The following FAM227B variants were observed in gnomAD, a reference collection of about 807,000 sequenced individuals.
The protein encoded by FAM227B is protein FAM227B.
FAM227B carries 88 observed loss-of-function variants against 73.8 expected under a neutral mutation model. That is an observed-to-expected ratio of 1.19 (90% CI 1.00 to 1.42). The LOEUF is 1.42. FAM227B is among the 40% of genes most tolerant of loss of function. FAM227B has a pLI of 0.00. For synonymous variants in FAM227B, 210 were observed against 190.5 expected (o/e 1.10, Z -0.84); for missense variants, 632 against 590.9 (o/e 1.07, Z -0.72).
intron 11 of FAM227B, among the ~76,000 whole-genome samples, chr15:49,391,773 C>T (rs533062948): frequency 6.6e-6 from 1 of 152,108 alleles, no homozygotes. Flanking sequence ...AATATAACCT[C>T]CAAGTATTGA....
intron 2 of FAM227B, among the ~76,000 whole-genome samples, chr15:49,613,432 C>T (rs539972630): frequency 1.3e-5 from 2 of 152,114 alleles, no homozygotes; most frequent in African/African-American, 2.4e-5. Context: ...ACCCCAGAGG[C>T]GGAGGTTGCG....
chr15:49,458,704 T>C (rs1240775616), intron 11 of FAM227B, among the ~76,000 whole-genome samples: 2 of 152,134 alleles, frequency 1.3e-5, no homozygotes, highest in Admixed American at 6.6e-5. Flanking sequence ...TTCATAATAA[T>C]GTTTCCTAAA....
At chr15:49,585,864 AAAG>A (rs1158037950) in intron 5 of FAM227B, among the ~76,000 whole-genome samples, 5 of 152,136 alleles carry the variant, frequency 3.3e-5, no homozygotes, top group Admixed American at 2.0e-4. Context: ...ATTAAATTGA[AAAG>A]AAATCAGAGA....
intron 11 of FAM227B, among the ~76,000 whole-genome samples, chr15:49,426,868 A>G (rs2050175808): frequency 6.6e-6 from 1 of 151,950 alleles, no homozygotes; most frequent in Non-Finnish European, 1.5e-5. Context: ...CTTTCTTGAT[A>G]TCGTTAATTA....
intron 3 of FAM227B, among the ~76,000 whole-genome samples, chr15:49,604,154 A>ACTTT (rs1198931342): frequency 6.6e-6 from 1 of 152,212 alleles, no homozygotes; most frequent in African/African-American, 2.4e-5. Flanking sequence ...GATTTTGACT[A>ACTTT]TATTCTTACG....
intron 11 of FAM227B, among the ~76,000 whole-genome samples, chr15:49,498,297 C>T (rs763449685): frequency 1.3e-5 from 2 of 152,120 alleles, no homozygotes; most frequent in Admixed American, 6.5e-5. Context: ...ACTTAATCAA[C>T]TTATATTGTG....
At chr15:49,545,700 TGTTCA>T (rs2071740834) in intron 9 of FAM227B, among the ~76,000 whole-genome samples, 1 of 152,138 alleles carries the variant, frequency 6.6e-6, no homozygotes, top group Admixed American at 6.5e-5. Context: ...TCAGTATTAC[TGTTCA>T]GTTCAAAGAA....
chr15:49,440,265 C>G (rs551518523), intron 11 of FAM227B, among the ~76,000 whole-genome samples: 58 of 151,816 alleles, frequency 3.8e-4, no homozygotes, highest in African/African-American at 1.3e-3. Flanking sequence ...TGTTTATACA[C>G]TCTTACAATT....
chr15:49,370,457 A>C (rs992162345), intron 12 of FAM227B, among the ~76,000 whole-genome samples: 2 of 152,218 alleles, frequency 1.3e-5, no homozygotes, highest in African/African-American at 4.8e-5. Context: ...TTGATTCAAA[A>C]TTGACTTCTA....
At chr15:49,451,589 AC>A (rs1232804011) in intron 11 of FAM227B, among the ~76,000 whole-genome samples, 1 of 152,030 alleles carries the variant, frequency 6.6e-6, no homozygotes, top group East Asian at 1.9e-4. Context: ...TCTTCAATTC[AC>A]CTTTAAATGT....
intron 13 of FAM227B, among the ~76,000 whole-genome samples, chr15:49,351,586 G>A (rs148540238): frequency 2.8e-4 from 42 of 152,290 alleles, no homozygotes; most frequent in Admixed American, 4.6e-4. Context: ...CACATACACC[G>A]TCCCAAGTTG....
intron 11 of FAM227B, among the ~76,000 whole-genome samples, chr15:49,400,890 T>A (rs1428143609): frequency 1.3e-5 from 2 of 151,526 alleles, no homozygotes; most frequent in Admixed American, 1.3e-4. Context: ...CCTAAAACCA[T>A]AAAAACCCTA....
intron 11 of FAM227B, among the ~76,000 whole-genome samples, chr15:49,419,702 T>C (rs1183925239): frequency 6.6e-6 from 1 of 152,150 alleles, no homozygotes; most frequent in Non-Finnish European, 1.5e-5. Flanking sequence ...TGCACCACAG[T>C]CCCTTCTCAT....
intron 3 of FAM227B, among the ~76,000 whole-genome samples, chr15:49,592,940 G>A (rs4304966): frequency 0.052 from 7,980 of 152,248 alleles, 360 homozygotes; most frequent in East Asian, 0.23. Context: ...GCAGATCTCA[G>A]ACTGCTGCAC....
chr15:49,389,325 C>G (rs1028222991), intron 11 of FAM227B, among the ~76,000 whole-genome samples: 2 of 151,914 alleles, frequency 1.3e-5, no homozygotes, highest in Non-Finnish European at 2.9e-5. Flanking sequence ...GAAATTACCT[C>G]TTTTGCAGCA....
intron 11 of FAM227B, among the ~76,000 whole-genome samples, chr15:49,453,805 C>T (rs143018934): frequency 2.0e-5 from 3 of 152,196 alleles, no homozygotes; most frequent in African/African-American, 4.8e-5. Context: ...AATTTCAGCA[C>T]GTTCCCAATT....
At chr15:49,534,002 T>A (rs1041706977) in intron 10 of FAM227B, among the ~76,000 whole-genome samples, 1 of 151,924 alleles carries the variant, frequency 6.6e-6, no homozygotes, top group East Asian at 1.9e-4. Flanking sequence ...GGCTGTGTAA[T>A]TTGCTTCCTT....
At chr15:49,440,893 A>C (rs1415333121) in intron 11 of FAM227B, among the ~76,000 whole-genome samples, 4 of 151,748 alleles carry the variant, frequency 2.6e-5, no homozygotes, top group African/African-American at 7.3e-5. Context: ...TTAACATTTT[A>C]AGTTTTCTAT....
intron 11 of FAM227B, among the ~76,000 whole-genome samples, chr15:49,417,350 G>A (rs2049286382): frequency 6.6e-6 from 1 of 152,130 alleles, no homozygotes; most frequent in African/African-American, 2.4e-5. Flanking sequence ...TTATGCCACT[G>A]CGCTTCAGTC....
Sources: allele counts gnomAD v4.1 joint callset (sites outside exome capture counted in the v4.1 genomes callset), GRCh38; gene constraint gnomAD v4.1.1; transcripts MANE v1.5; gene names NCBI Gene and HGNC (gene_info 2026-07-23, HGNC 2026-07-21).